Variants in FADS2 observed in about 807,000 individuals in gnomAD.
FADS2 encodes the protein fatty acid desaturase 2, also known as acyl-CoA 6-desaturase.
A neutral mutation model predicts 61.2 loss-of-function variants in FADS2; 18 were observed. The ratio of observed to expected loss-of-function variants is 0.29; its 90% CI spans 0.20 to 0.44. The LOEUF (loss-of-function observed/expected upper bound fraction) is 0.44, where lower values mean the gene tolerates loss of function less well. Ranked by LOEUF, FADS2 falls within the 20% of genes least tolerant of loss-of-function variation. The pLI, the probability that FADS2 is intolerant of heterozygous loss-of-function variation, is 1.00. For synonymous variants in FADS2, 203 were observed against 223.9 expected, an observed-to-expected ratio of 0.91 and a Z score of 0.83; for missense variants, 322 against 572.7, an observed-to-expected ratio of 0.56 and a Z score of 4.47.
intron 1 of FADS2, among the ~76,000 whole-genome samples, chr11:61,832,093 G>A (rs1054937243): frequency 1.3e-5 from 2 of 152,150 alleles, no homozygotes; most frequent in Non-Finnish European, 1.5e-5. Context: ...CTGGGGCTTG[G>A]ATCTGGACCC....
intron 5 of FADS2, among the ~76,000 whole-genome samples, chr11:61,853,607 AC>A (rs1305897223): frequency 6.6e-6 from 1 of 151,580 alleles, no homozygotes; most frequent in East Asian, 1.9e-4. Context: ...CCGGGAAACC[AC>A]CTCTGCTGCT....
At position 61,863,825 on chromosome 11, in the gene FADS2, C is replaced by T. The variant is rs747326168; in HGVS notation, c.1157+39C>T. On this transcript the variant is annotated intron_variant, in intron 10 of 11. Transcript: ENST00000278840. ...TGCGGGGAGGCGGGGAGACCCACAG[C>T]GGGAGGGAAGTGGCCGCTATCCCAC... The T allele has an allele frequency of 4.7e-5, 72 of 1,535,958 alleles. No individual in the cohort carries two copies. In the East Asian group the frequency reaches 8.3e-4, roughly 18 times the overall value.
chr11:61,832,280 ACTCTGGC>A (rs1175455279), intron 1 of FADS2, among the ~76,000 whole-genome samples: 1 of 152,078 alleles, frequency 6.6e-6, no homozygotes, highest in Non-Finnish European at 1.5e-5. Context: ...CGAAAGTGGA[ACTCTGGC>A]CTCCTTTGCA....
At chr11:61,828,250 G>A, upstream of FADS2, 7 of 1,434,308 alleles carry the variant, frequency 4.9e-6, no homozygotes, top group South Asian at 1.0e-4. This position sits in a 1 kb window ranked among gnomAD's most constrained non-coding sequence, Gnocchi z 6.4. Context: ...GAGGGGGCGC[G>A]GTGGGAGGAG....
intron 4 of FADS2, among the ~76,000 whole-genome samples, chr11:61,844,652 G>C (rs140702173): frequency 2.0e-5 from 3 of 152,118 alleles, no homozygotes; most frequent in Admixed American, 1.3e-4. Context: ...GAGGCCAGGC[G>C]CGGTGGCTCA....
rs116757889 is a variant in FADS2 at position 61,848,431 on chromosome 11, G to A, written c.744+147G>A. 8,381 of 1,413,760 alleles carry A rather than the reference G, an allele frequency of 5.9e-3. 333 individuals carry two copies. The African/African-American group carries it at 0.093, about 16-fold the overall frequency. 87.6% of individuals were successfully genotyped at this position (1,413,760 alleles called of 1,614,324 possible). Reference sequence around the variant, plus strand: ...CCATCGAGGTACGACTAAGGGGTTGGTGTTGACCTAGGAAGTGTTTGGCCT... The same window carrying A: ...CCATCGAGGTACGACTAAGGGGTTGATGTTGACCTAGGAAGTGTTTGGCCT... On this transcript the variant is annotated intron_variant, in intron 5 of 11. Coordinates refer to ENST00000278840, the MANE Select transcript of FADS2 (RefSeq NM_004265.4).
chr11:61,827,894 C>A, upstream of FADS2: 1 of 349,792 alleles, frequency 2.9e-6, no homozygotes, highest in Non-Finnish European at 4.1e-6. This position sits in a 1 kb window ranked among gnomAD's most constrained non-coding sequence, Gnocchi z 4.5. Context: ...GCGGGGGAGC[C>A]GGGGACCCGC....
intron 5 of FADS2, among the ~76,000 whole-genome samples, chr11:61,851,771 A>G (rs1158915303): frequency 2.6e-5 from 4 of 152,256 alleles, no homozygotes; most frequent in Admixed American, 2.0e-4. Context: ...AGCGGCTCCC[A>G]GCACGTGGAA....
At chr11:61,848,621 T>G (rs1481739420) in intron 5 of FADS2, 1 of 243,896 alleles carries the variant, frequency 4.1e-6, no homozygotes, top group Non-Finnish European at 8.1e-6. Flanking sequence ...ATTAGAATGG[T>G]AGATGTCTCC....
Position 61,816,330 on chromosome 11 carries a change from G to A in FADS2, c.45G>A (p.Leu15=). 6.3e-7 allele frequency: 1 copy of A among 1,598,398 alleles called. No homozygotes were observed. Among genetic ancestry groups the A allele is most frequent in the Non-Finnish European group, 8.5e-7 (1 of 1,179,798 alleles). The change falls in exon 1 of 12, where the codon TTG becomes TTA. Residue 15 remains leucine (L), a synonymous_variant. Transcript: ENST00000257261. The surrounding 1 kb of genome is among the most constrained non-coding windows in gnomAD (Gnocchi z 7.0). ...GACCCTTTGTTTGTGTGTGCGTGTTGTTGGCCTCCATCCCCACTCCCCAGA... is the reference window on the plus strand; with the variant it reads ...GACCCTTTGTTTGTGTGTGCGTGTTATTGGCCTCCATCCCCACTCCCCAGA...
intron 4 of FADS2, among the ~76,000 whole-genome samples, chr11:61,845,411 C>T (rs1322223288): frequency 6.6e-6 from 1 of 152,204 alleles, no homozygotes; most frequent in Non-Finnish European, 1.5e-5. Flanking sequence ...GAACACGGAG[C>T]TGGCCATTGT....
At chr11:61,854,944 C>T (rs1372190424) in intron 5 of FADS2, 1 of 152,280 alleles carries the variant, frequency 6.6e-6, no homozygotes, top group African/African-American at 2.4e-5. Context: ...TCCCGAGGGT[C>T]ATTCTGGGGC....
At chr11:61,860,602 G>GTA (rs1454008776) in intron 7 of FADS2, among the ~76,000 whole-genome samples, 1 of 152,210 alleles carries the variant, frequency 6.6e-6, no homozygotes, top group African/African-American at 2.4e-5. Context: ...CGATCTCTGT[G>GTA]TATGTGTTGC....
intron 1 of FADS2, among the ~76,000 whole-genome samples, chr11:61,823,069 T>C (rs2135948436): frequency 6.6e-6 from 1 of 152,358 alleles, no homozygotes; most frequent in South Asian, 2.1e-4. Context: ...TTAGTTTTAC[T>C]GCACTTCTTA....
rs897921248 is a variant in FADS2 at position 61,865,404 on chromosome 11, T to C, written c.1283+127T>C. 5 of 1,243,070 alleles carry C rather than the reference T, an allele frequency of 4.0e-6. No individual in the cohort carries two copies. The highest frequency in any genetic ancestry group is 5.6e-6 in the Non-Finnish European group (5 of 899,718). The allele number at this position is 1,243,070 out of a possible 1,614,324, so 77.0% of individuals were successfully genotyped here. A position where few individuals can be genotyped will look rare whatever the true frequency, so the allele number is the denominator to read the frequency against. On this transcript the variant is annotated intron_variant, in intron 11 of 11. Transcript: ENST00000278840. This position sits in a 1 kb window ranked among gnomAD's most constrained non-coding sequence, Gnocchi z 4.1. ...AGGGCACCTGCCTTACTCCCGAGCC[T>C]GTGTTAGGAGCTGTTGGGCTTTTCT...
chr11:61,863,657 GGCCCTT>G (rs1448834588), intron 9 of FADS2, 44 bp from the exon 10 acceptor site: 1 of 1,518,196 alleles, frequency 6.6e-7, no homozygotes, highest in Non-Finnish European at 9.1e-7. Flanking sequence ...AATGAGGCCG[GGCCCTT>G]GGGCCTTCCT....
Position 61,857,525 on chromosome 11 carries a change from TG to T in FADS2, c.880del (p.Val294TrpfsTer47). 6.2e-7 allele frequency: 1 copy of T among 1,613,430 alleles called. No individual in the cohort carries two copies. On this transcript the variant is annotated frameshift_variant, in exon 7 of 12. Transcript: ENST00000278840. LOFTEE classifies it high-confidence loss of function. ...IIMTMIVHKNWVDLAWAVSYY... is the reference protein window; with the variant it reads ...IIMTMIVHKNXVDLAWAVSYY... ...CATGACCATGATCGTCCATAAGAAC[TG>T]GGTGGTGAGTTGGGGACACAGCTGG...
intron 4 of FADS2, among the ~76,000 whole-genome samples, chr11:61,844,023 A>G (rs1435063563): frequency 6.6e-6 from 1 of 152,200 alleles, no homozygotes; most frequent in African/African-American, 2.4e-5. Flanking sequence ...CAAAATATCA[A>G]AATTTTAAAT....
At chr11:61,863,655 C>T (rs550389817) in intron 9 of FADS2, 52 bp from the exon 10 acceptor site, 19 of 1,503,454 alleles carry the variant, frequency 1.3e-5, no homozygotes, top group South Asian at 4.5e-5. Context: ...GGAATGAGGC[C>T]GGGCCCTTGG....
Sources: allele counts gnomAD v4.1 joint callset (sites outside exome capture counted in the v4.1 genomes callset), GRCh38; gene constraint gnomAD v4.1.1; non-coding constraint Gnocchi (gnomAD v3.1); transcripts MANE v1.5; gene names NCBI Gene and HGNC (gene_info 2026-07-23, HGNC 2026-07-21).